Variants in ALMS1 observed in about 807,000 individuals in gnomAD.
ALMS1 encodes centrosome-associated protein ALMS1.
ALMS1 carries 271 observed loss-of-function variants against 352.2 expected under a neutral mutation model. That is an observed-to-expected ratio of 0.77 (90% CI 0.70 to 0.85). ALMS1 has a LOEUF of 0.85. ALMS1 is among the 40% of genes least tolerant of loss of function. The probability of loss-of-function intolerance (pLI) is 0.00; values close to 1 mark genes in which losing one functional copy is unlikely to be tolerated. For synonymous variants in ALMS1, 1,865 were observed against 1,761.2 expected, an observed-to-expected ratio of 1.06 and a Z score of -1.48; for missense variants, 5,445 against 4,870.7, an observed-to-expected ratio of 1.12 and a Z score of -3.51.
intron 9 of ALMS1, among the ~76,000 whole-genome samples, chr2:73,468,329 C>G (rs915206620): frequency 6.6e-6 from 1 of 151,996 alleles, no homozygotes; most frequent in Admixed American, 6.6e-5. Context: ...CCACCTAGCA[C>G]AAACTGCTTC....
chr2:73,533,204 G>C (rs1310023327), intron 11 of ALMS1, among the ~76,000 whole-genome samples: 1 of 152,240 alleles, frequency 6.6e-6, no homozygotes, highest in Non-Finnish European at 1.5e-5. Flanking sequence ...TGGTGCAAGT[G>C]CTTCCCTTGG....
intron 16 of ALMS1, among the ~76,000 whole-genome samples, chr2:73,598,555 G>A (rs534853594): frequency 6.6e-6 from 1 of 152,148 alleles, no homozygotes; most frequent in East Asian, 1.9e-4. Context: ...TCTAGTTCAA[G>A]GGATCAGATA....
rs1331043174 is a variant in ALMS1, at chr2:73,534,883, C to G, written c.9841C>G (p.Gln3281Glu). 6.2e-7 allele frequency: 1 copy of G among 1,613,510 alleles called. No homozygotes were observed. The highest frequency in any genetic ancestry group is 2.2e-5 in the East Asian group (1 of 44,832). ...SGSTKMYYVPQLRQIPPSPDS... is the reference protein window; with the variant it reads ...SGSTKMYYVPELRQIPPSPDS... ...TAGTACCAAGATGTATTATGTTCCACAATTAAGACAAATTCCTCCATCTCC... is the reference window on the plus strand; with the variant it reads ...TAGTACCAAGATGTATTATGTTCCAGAATTAAGACAAATTCCTCCATCTCC... The change falls in exon 12 of 23, where the codon CAA becomes GAA. Residue 3281 changes from glutamine to glutamate, a missense_variant. Gln to Glu is a conservative substitution (Grantham distance 29). Transcript: ENST00000613296.
chr2:73,580,092 T>A (rs879775143), intron 16 of ALMS1, among the ~76,000 whole-genome samples: 4 of 152,132 alleles, frequency 2.6e-5, no homozygotes, highest in Non-Finnish European at 5.9e-5. Flanking sequence ...TCATTTTCTA[T>A]TTTTTTAGAG....
intron 16 of ALMS1, among the ~76,000 whole-genome samples, chr2:73,586,600 G>A (rs1261057443): frequency 6.6e-6 from 1 of 152,050 alleles, no homozygotes; most frequent in Non-Finnish European, 1.5e-5. Flanking sequence ...TGTTCCATTG[G>A]TCTTGGTGCC....
chr2:73,546,304 T>C (rs910430814), intron 12 of ALMS1, among the ~76,000 whole-genome samples: 4 of 152,340 alleles, frequency 2.6e-5, no homozygotes, highest in Admixed American at 2.6e-4. Context: ...TTTCTTTTAT[T>C]GTTTCCTTCA....
At position 73,601,212 on chromosome 2, in the gene ALMS1, C is replaced by A; in HGVS notation, c.11890C>A (p.Pro3964Thr). 1 of 1,614,144 alleles carries A rather than the reference C, an allele frequency of 6.2e-7. No homozygotes were observed. The highest frequency in any genetic ancestry group is 2.2e-5 in the East Asian group (1 of 44,886). The change falls in exon 19 of 23, where the codon CCT becomes ACT. Residue 3964 changes from proline (P) to threonine (T), a missense_variant. Pro to Thr is a conservative substitution (Grantham distance 38, BLOSUM62 -1). Transcript: ENST00000613296. ...TCCTGTAGGAGTTTCCTGGTTTGTT[C>A]CTGTGGAAAATGTGGAGTCTAGATC... The part of the protein sequence containing the change: ...NSHEGVSWFV[P>T]VENVESRSKK...
In ALMS1 at chr2:73,452,794, ATCTC is replaced by A; in HGVS notation, c.6273_6276del (p.Ser2092ValfsTer22). Reference sequence around the variant, plus strand: ...CTGATGTGAATACTGGAAAACCAGTATCTCTCTCTAGTTCTTATTTTCACAGAGA... The same window carrying A: ...CTGATGTGAATACTGGAAAACCAGTATCTCTAGTTCTTATTTTCACAGAGA... On this transcript the variant is annotated frameshift_variant, in exon 8 of 23. Coordinates refer to ENST00000613296, the MANE Select transcript of ALMS1 (RefSeq NM_001378454.1). LOFTEE classifies it high-confidence loss of function. 1 of 1,613,666 alleles carries A rather than the reference ATCTC, an allele frequency of 6.2e-7. No homozygotes were observed. The highest frequency in any genetic ancestry group is 8.5e-7 in the Non-Finnish European group (1 of 1,179,964).
chr2:73,565,923 A>G (rs950628956), intron 15 of ALMS1, among the ~76,000 whole-genome samples: 2 of 152,200 alleles, frequency 1.3e-5, no homozygotes, highest in African/African-American at 2.4e-5. Flanking sequence ...TGATAATTAA[A>G]TGTAATGTGG....
At chr2:73,562,622 T>G (rs534937709) in intron 15 of ALMS1, among the ~76,000 whole-genome samples, 1 of 152,272 alleles carries the variant, frequency 6.6e-6, no homozygotes, top group South Asian at 2.1e-4. Flanking sequence ...ACGCGGTGGC[T>G]CATGCCTGTA....
intron 16 of ALMS1, 75 bp from the exon 17 acceptor site, chr2:73,599,326 T>C: frequency 1.3e-5 from 21 of 1,580,806 alleles, no homozygotes; most frequent in Non-Finnish European, 1.8e-5. Flanking sequence ...AGAGGACTTG[T>C]TGGCTTGCTT....
At chr2:73,428,410 G>A (rs1014214598) in intron 6 of ALMS1, among the ~76,000 whole-genome samples, 1 of 151,882 alleles carries the variant, frequency 6.6e-6, no homozygotes, top group Admixed American at 6.6e-5. Flanking sequence ...TGAAACTAAG[G>A]TTAAGATTTT....
intron 21 of ALMS1, among the ~76,000 whole-genome samples, chr2:73,604,693 G>T (rs1182399990): frequency 6.6e-6 from 1 of 152,176 alleles, no homozygotes; most frequent in Non-Finnish European, 1.5e-5. Context: ...TCAGAGAGTG[G>T]TCTGTGGAGT....
chr2:73,441,967 A>C (rs1427309066), intron 7 of ALMS1, among the ~76,000 whole-genome samples: 11 of 151,986 alleles, frequency 7.2e-5, no homozygotes, highest in African/African-American at 2.2e-4. Flanking sequence ...TATTGAATAA[A>C]CTCAGGGATC....
At position 73,609,715 on chromosome 2, in the gene ALMS1, C is replaced by T. The variant is rs1387561189; in HGVS notation, c.*103C>T. 8.6e-7 allele frequency: 1 copy of T among 1,166,038 alleles called. No homozygotes were observed. Among genetic ancestry groups the T allele is most frequent in the Non-Finnish European group, 1.3e-6 (1 of 779,706 alleles). The allele number at this position is 1,166,038 out of a possible 1,614,324, so 72.2% of individuals were successfully genotyped here. ...TGGTTGAATAAAGCTTATTCTTTGT[C>T]CATGTGTATTTTAGAAATAGTAACT... On this transcript the variant is annotated 3_prime_UTR_variant, in exon 23 of 23. Transcript: ENST00000613296.
Position 73,400,952 on chromosome 2 carries a change from A to G in ALMS1, c.325-7670A>G, listed in dbSNP as rs1032859590. Among the ~76,000 whole-genome samples the G allele has an allele frequency of 9.2e-5, 14 of 152,028 alleles. 1 individual carries two copies. Among genetic ancestry groups the G allele is most frequent in the African/African-American group, 3.4e-4 (14 of 41,382 alleles). ...TAGGTGTGTGCCACTATGCCCGGCT[A>G]ATTTTTGCATTTTTAGTAGATTTAG... On this transcript the variant is annotated intron_variant, in intron 1 of 22. Transcript: ENST00000613296.
In ALMS1 at chr2:73,519,809, T is replaced by C. The variant is rs1294949042; in HGVS notation, c.9574T>C (p.Phe3192Leu). The C allele has an allele frequency of 1.2e-6, 2 of 1,614,048 alleles. No individual in the cohort carries two copies. The highest frequency in any genetic ancestry group is 2.2e-5 in the East Asian group (1 of 44,870). Residue 3192 changes from phenylalanine (F) to leucine (L), a missense_variant, in exon 11 of 23, where the codon TTC (phenylalanine) becomes CTC (leucine). By Grantham distance (22) the Phe-to-Leu change is conservative. Coordinates refer to ENST00000613296, the MANE Select transcript of ALMS1 (RefSeq NM_001378454.1). ...GAAGATGAAGACCCCACTTTCTGCT[T>C]TCTCTGAAAAATTGTCATCTGATGC... ...PEKMKTPLSA[F>L]SEKLSSDAVT...
At chr2:73,564,465 CAAAAAAA>C (rs367797062) in intron 15 of ALMS1, among the ~76,000 whole-genome samples, 48 of 63,362 alleles carry the variant, frequency 7.6e-4, no homozygotes, top group African/African-American at 2.4e-3. Context: ...GACTCCGTCT[CAAAAAAA>C]AAAAAAAAAA....
At chr2:73,569,053 C>T (rs368575742) in intron 15 of ALMS1, among the ~76,000 whole-genome samples, 6 of 109,126 alleles carry the variant, frequency 5.5e-5, no homozygotes, top group East Asian at 6.1e-4. Flanking sequence ...CTCGCTCTGT[C>T]GCCCAGGCTG....
Sources: gnomAD v4.1 joint callset for allele counts (sites outside exome capture counted in the v4.1 genomes callset) on GRCh38, gnomAD v4.1.1 for gene constraint, MANE v1.5 for transcripts, NCBI Gene and HGNC (gene_info 2026-07-23, HGNC 2026-07-21) for gene names.